The following NCMAP variants were observed in gnomAD, a reference collection of about 807,000 sequenced individuals.
NCMAP encodes the protein noncompact myelin-associated protein.
A neutral mutation model predicts 7.8 loss-of-function variants in NCMAP; 8 were observed. The observed-to-expected ratio is 1.02, with a 90% CI of 0.60 to 1.84. NCMAP has a LOEUF of 1.84. Among genes scored for constraint, NCMAP ranks in the 40% most tolerant of loss-of-function variants. The pLI is 0.00. For missense variants in NCMAP, 112 were observed against 131.4 expected, an observed-to-expected ratio of 0.85 and a Z score of 0.72; for synonymous variants, 41 against 52.9, an observed-to-expected ratio of 0.78 and a Z score of 0.98.
intron 1 of NCMAP, among the ~76,000 whole-genome samples, chr1:24,565,985 G>A (rs1651217539): frequency 6.6e-6 from 1 of 152,088 alleles, no homozygotes; most frequent in Non-Finnish European, 1.5e-5. Flanking sequence ...TCTGTAAGGG[G>A]CTCTTCCCCT....
chr1:24,571,461 C>G (rs1426197461), intron 1 of NCMAP, among the ~76,000 whole-genome samples: 1 of 149,366 alleles, frequency 6.7e-6, no homozygotes, highest in Non-Finnish European at 1.5e-5. Context: ...GGTGACAGAG[C>G]AAGACTCTGT....
rs1652184447 is a variant in NCMAP, at chr1:24,595,311, A to T, written c.-7-113A>T. The T allele has an allele frequency of 1.9e-5, 13 of 673,444 alleles. No individual in the cohort carries two copies. The South Asian group carries it at 2.6e-4, about 13-fold the overall frequency. 41.7% of individuals were successfully genotyped at this position (673,444 alleles called of 1,614,324 possible). A position where few individuals can be genotyped will look rare whatever the true frequency, so the allele number is the denominator to read the frequency against. On this transcript the variant is annotated intron_variant, in intron 1 of 3. Transcript: ENST00000374392. ...TTGCATTTACTTGCTGCCAAGAGAA[A>T]CTGCATGCTTGAATATTCTACAGTC...
At chr1:24,597,617 G>GAAAGAA (rs1322815675) in intron 2 of NCMAP, among the ~76,000 whole-genome samples, 15 of 87,526 alleles carry the variant, frequency 1.7e-4, no homozygotes, top group African/African-American at 5.7e-4. Context: ...AAGAAAGAAA[G>GAAAGAA]AGAAAGAAAG....
chr1:24,602,499 G>C (rs1296050305), intron 3 of NCMAP, among the ~76,000 whole-genome samples: 2 of 135,328 alleles, frequency 1.5e-5, no homozygotes, highest in African/African-American at 7.2e-5. Flanking sequence ...GAACCCGGAA[G>C]GCGGAGCTTG....
chr1:24,599,989 T>A (rs1474714008), intron 2 of NCMAP, among the ~76,000 whole-genome samples: 1 of 142,504 alleles, frequency 7.0e-6, no homozygotes, highest in Non-Finnish European at 1.6e-5. Context: ...TTAAAAACTA[T>A]AACGGGTATT....
intron 1 of NCMAP, among the ~76,000 whole-genome samples, chr1:24,571,832 T>C (rs958716267): frequency 6.6e-6 from 1 of 150,804 alleles, no homozygotes; most frequent in African/African-American, 2.5e-5. Context: ...GTGATCCGCC[T>C]GCCTCGGCCT....
At chr1:24,571,365 C>T (rs1314488249) in intron 1 of NCMAP, among the ~76,000 whole-genome samples, 11 of 149,032 alleles carry the variant, frequency 7.4e-5, no homozygotes, top group Non-Finnish European at 1.5e-5. Flanking sequence ...ATCCTAGCTA[C>T]TCAAGAGGTT....
chr1:24,566,930 C>A (rs1404931665), intron 1 of NCMAP, among the ~76,000 whole-genome samples: 3 of 152,050 alleles, frequency 2.0e-5, no homozygotes, highest in Non-Finnish European at 4.4e-5. Flanking sequence ...GCCCAAAAAC[C>A]CTTTGCCAGG....
intron 1 of NCMAP, among the ~76,000 whole-genome samples, chr1:24,568,192 G>C (rs1369540772): frequency 6.6e-6 from 1 of 152,170 alleles, no homozygotes; most frequent in East Asian, 1.9e-4. Flanking sequence ...GGGGCAGAGA[G>C]CACAGAAATA....
intron 1 of NCMAP, among the ~76,000 whole-genome samples, chr1:24,592,661 G>C (rs1318955619): frequency 6.6e-6 from 1 of 152,144 alleles, no homozygotes; most frequent in Non-Finnish European, 1.5e-5. Flanking sequence ...GCTCACACCT[G>C]TAATCCCAGC....
At chr1:24,593,010 A>G (rs984743726) in intron 1 of NCMAP, among the ~76,000 whole-genome samples, 2 of 151,922 alleles carry the variant, frequency 1.3e-5, no homozygotes, top group Admixed American at 1.3e-4. Flanking sequence ...GTGAAACCCC[A>G]TACTACTAAA....
chr1:24,581,242 A>G (rs4358990), intron 1 of NCMAP, among the ~76,000 whole-genome samples: 106,258 of 151,222 alleles, frequency 0.7, 37,713 homozygotes, highest in East Asian at 0.82. Context: ...TCAGCCTCCC[A>G]AACAGCTGAA....
chr1:24,579,354 A>G (rs1271728494), intron 1 of NCMAP, among the ~76,000 whole-genome samples: 1 of 151,764 alleles, frequency 6.6e-6, no homozygotes, highest in South Asian at 2.1e-4. Context: ...CCATCTGTTC[A>G]TTGTTTTGTT....
At chr1:24,578,520 C>T (rs1330591157) in intron 1 of NCMAP, among the ~76,000 whole-genome samples, 3 of 149,236 alleles carry the variant, frequency 2.0e-5, no homozygotes. Flanking sequence ...AATCCCTAAG[C>T]CTGTTGGGGG....
intron 1 of NCMAP, among the ~76,000 whole-genome samples, chr1:24,557,436 GGTGTGTGCAC>G (rs919919908): frequency 4.0e-5 from 6 of 151,138 alleles, no homozygotes; most frequent in African/African-American, 1.2e-4. Context: ...TGTGCATGTG[GGTGTGTGCAC>G]GTGTGTGCGT....
In NCMAP at chr1:24,609,115, G is replaced by T. The variant is rs1198981939; in HGVS notation, c.*3368G>T. ...CATCCTGTAAGAAGGGTTCCTATGT[G>T]CAAGTTGAGGTGCTACTAAGTACAT... On this transcript the variant is annotated 3_prime_UTR_variant, in exon 4 of 4. Coordinates refer to ENST00000374392, the MANE Select transcript of NCMAP (RefSeq NM_001010980.5). The T allele has an allele frequency of 6.6e-6, 1 of 152,148 alleles. No individual in the cohort carries two copies. The highest frequency in any genetic ancestry group is 1.9e-4 in the East Asian group (1 of 5,192). 9.4% of individuals were successfully genotyped at this position (152,148 alleles called of 1,614,324 possible). A position where few individuals can be genotyped will look rare whatever the true frequency, so the allele number is the denominator to read the frequency against.
intron 1 of NCMAP, among the ~76,000 whole-genome samples, chr1:24,559,612 T>C (rs74827135): frequency 4.7e-4 from 71 of 152,320 alleles, no homozygotes; most frequent in African/African-American, 1.7e-3. Context: ...CAGAGAGGCC[T>C]GTTCTCTAGC....
chr1:24,600,129 C>T (rs894047108), intron 2 of NCMAP, among the ~76,000 whole-genome samples: 4 of 151,396 alleles, frequency 2.6e-5, no homozygotes, highest in Admixed American at 6.6e-5. Context: ...AGCCACTGCA[C>T]CTAGCCAGAT....
At chr1:24,578,166 G>C (rs567005933) in intron 1 of NCMAP, among the ~76,000 whole-genome samples, 4 of 150,878 alleles carry the variant, frequency 2.7e-5, no homozygotes, top group South Asian at 2.1e-4. Context: ...TCAGGAGGCT[G>C]AGGCACGAGA....
Sources: allele counts gnomAD v4.1 joint callset (sites outside exome capture counted in the v4.1 genomes callset), GRCh38; gene constraint gnomAD v4.1.1; transcripts MANE v1.5; gene names NCBI Gene and HGNC (gene_info 2026-07-23, HGNC 2026-07-21).